RGS6: variants seen among roughly 807,000 people sequenced by gnomAD.
RGS6 encodes regulator of G-protein signaling 6.
In RGS6, 30 loss-of-function variants were observed where a neutral mutation model predicts 78.5. The ratio of observed to expected loss-of-function variants is 0.38; its 90% CI spans 0.29 to 0.52. RGS6 has a LOEUF of 0.52. Among genes scored for constraint, RGS6 ranks in the 20% least tolerant of loss-of-function variants. The pLI, the probability that RGS6 is intolerant of heterozygous loss-of-function variation, is 0.85. For synonymous variants in RGS6, 206 were observed against 206.0 expected (o/e 1.00, Z 0.00); for missense variants, 495 against 609.7 (o/e 0.81, Z 1.98).
At chr14:72,560,815 TGTGTG>T (rs1293051955) in intron 17 of RGS6, among the ~76,000 whole-genome samples, 1 of 147,302 alleles carries the variant, frequency 6.8e-6, no homozygotes, top group Admixed American at 6.7e-5. Context: ...TGTGTGTGTG[TGTGTG>T]TGTGTGTGTG....
intron 2 of RGS6, among the ~76,000 whole-genome samples, chr14:72,141,276 T>G (rs1879255315): frequency 6.6e-6 from 1 of 152,066 alleles, no homozygotes; most frequent in South Asian, 2.1e-4. Context: ...CAATCCCCAT[T>G]TTGCTGACTC....
chr14:71,997,241 G>T (rs1595857913), intron 2 of RGS6, among the ~76,000 whole-genome samples: 1 of 152,244 alleles, frequency 6.6e-6, no homozygotes, highest in East Asian at 1.9e-4. Context: ...GGGGATGTGG[G>T]CACCACTTAC....
chr14:71,990,685 T>C (rs999058379), intron 2 of RGS6: 1 of 455,934 alleles, frequency 2.2e-6, no homozygotes, highest in African/African-American at 2.0e-5. Context: ...CCCATTCTTT[T>C]CTGTATGCTG....
intron 3 of RGS6, among the ~76,000 whole-genome samples, chr14:72,450,468 G>C (rs1026378222): frequency 3.3e-5 from 5 of 152,110 alleles, no homozygotes; most frequent in African/African-American, 9.7e-5. Flanking sequence ...GGTGTTTTGG[G>C]TGCCGTCTGG....
At chr14:72,513,637 C>T (rs930091601) in intron 14 of RGS6, among the ~76,000 whole-genome samples, 3 of 152,200 alleles carry the variant, frequency 2.0e-5, no homozygotes, top group African/African-American at 7.2e-5. Flanking sequence ...GTTTCTTGGC[C>T]TCATCCTTCT....
At chr14:72,599,393 CTTTTTTTTTTTT>C in the RGS6 span, among the ~76,000 whole-genome samples, 2 of 78,226 alleles carry the variant, frequency 2.6e-5, no homozygotes, top group South Asian at 5.0e-4. Context: ...CTTTTCTTTC[CTTTTTTTTTTTT>C]TTTTTTTTTT....
chr14:72,398,858 G>A (rs140232548), intron 3 of RGS6, among the ~76,000 whole-genome samples: 1,802 of 152,180 alleles, frequency 0.012, 15 homozygotes, highest in Non-Finnish European at 0.016. Context: ...GTAGTTGAGC[G>A]GTTTTGAGTG....
intron 2 of RGS6, among the ~76,000 whole-genome samples, chr14:72,213,527 G>A (rs1451723196): frequency 6.6e-6 from 1 of 152,154 alleles, no homozygotes; most frequent in East Asian, 1.9e-4. Flanking sequence ...AGTGAAGCTT[G>A]TCTCCTCCTC....
chr14:72,088,066 A>G (rs1400640025), intron 2 of RGS6, among the ~76,000 whole-genome samples: 1 of 152,158 alleles, frequency 6.6e-6, no homozygotes, highest in Non-Finnish European at 1.5e-5. Flanking sequence ...CTGAGCAAAG[A>G]GAAGACCAGA....
chr14:72,451,947 T>C (rs912554787), intron 3 of RGS6, among the ~76,000 whole-genome samples: 2 of 152,114 alleles, frequency 1.3e-5, no homozygotes, highest in Non-Finnish European at 2.9e-5. Flanking sequence ...AGACGGGGTT[T>C]CACCATGTTG....
chr14:72,001,967 A>G (rs983211020), intron 2 of RGS6, among the ~76,000 whole-genome samples: 3 of 144,998 alleles, frequency 2.1e-5, no homozygotes, highest in South Asian at 2.2e-4. Context: ...CAGCAGTGCA[A>G]TCTCAGCTCA....
At chr14:71,887,763 C>T in the RGS6 span, among the ~76,000 whole-genome samples, 2 of 152,176 alleles carry the variant, frequency 1.3e-5, no homozygotes, top group African/African-American at 4.8e-5. Flanking sequence ...ATCAGTGGTT[C>T]TGTTTTTGCC....
intron 2 of RGS6, among the ~76,000 whole-genome samples, chr14:72,027,945 A>G (rs555091017): frequency 5.2e-4 from 79 of 152,238 alleles, no homozygotes; most frequent in African/African-American, 1.8e-3. Flanking sequence ...TTTTTGAAGC[A>G]TGATCTCAGT....
At chr14:72,109,969 T>A (rs2095716668) in intron 2 of RGS6, among the ~76,000 whole-genome samples, 1 of 152,230 alleles carries the variant, frequency 6.6e-6, no homozygotes, top group Admixed American at 6.5e-5. Context: ...TCAATCTCAT[T>A]ACTAAGTGTC....
chr14:72,403,073 G>C (rs1450028950), intron 3 of RGS6, among the ~76,000 whole-genome samples: 1 of 152,034 alleles, frequency 6.6e-6, no homozygotes, highest in Non-Finnish European at 1.5e-5. Flanking sequence ...TTACAGATAA[G>C]AGCTACCATG....
intron 3 of RGS6, among the ~76,000 whole-genome samples, chr14:72,378,623 C>T (rs1302321800): frequency 6.6e-6 from 1 of 152,000 alleles, no homozygotes; most frequent in African/African-American, 2.4e-5. Context: ...CACATACAAC[C>T]TATCAAGATT....
chr14:72,206,284 G>A (rs1298919258), intron 2 of RGS6, among the ~76,000 whole-genome samples: 1 of 152,096 alleles, frequency 6.6e-6, no homozygotes, highest in African/African-American at 2.4e-5. Flanking sequence ...GGTCAACACA[G>A]TGAGACCCCC....
chr14:72,559,831 A>AAGCCC (rs947281938), intron 17 of RGS6, among the ~76,000 whole-genome samples: 4 of 152,130 alleles, frequency 2.6e-5, no homozygotes, highest in East Asian at 3.9e-4. Context: ...TAGCACCTTC[A>AAGCCC]AGCCCAGCCC....
intron 2 of RGS6, among the ~76,000 whole-genome samples, chr14:72,288,062 G>C (rs970506564): frequency 6.6e-5 from 10 of 152,088 alleles, no homozygotes; most frequent in Non-Finnish European, 1.0e-4. Flanking sequence ...TTTTCTTGTA[G>C]TGTCTTTGTT....
Sources: allele counts gnomAD v4.1 joint callset (sites outside exome capture counted in the v4.1 genomes callset), GRCh38; gene constraint gnomAD v4.1.1; transcripts MANE v1.5; gene names NCBI Gene and HGNC (gene_info 2026-07-23, HGNC 2026-07-21).